The following PTPRT variants were observed in gnomAD, a reference collection of about 807,000 sequenced individuals.
The protein encoded by PTPRT is protein tyrosine phosphatase receptor type T, also known as receptor-type tyrosine-protein phosphatase T.
PTPRT carries 56 observed loss-of-function variants against 176.8 expected under a neutral mutation model. That is an observed-to-expected ratio of 0.32 (90% CI 0.26 to 0.40). The LOEUF is 0.40. PTPRT is among the 10% of genes least tolerant of loss of function. The pLI is 1.00. For synonymous variants in PTPRT, 783 were observed against 739.0 expected (o/e 1.06, Z -0.96); for missense variants, 1,540 against 1,908.2 (o/e 0.81, Z 3.60).
chr20:43,088,338 GTGTGT>G (rs2146301539), intron 1 of PTPRT, among the ~76,000 whole-genome samples: 1 of 26,218 alleles, frequency 3.8e-5, no homozygotes, highest in South Asian at 1.9e-3. Flanking sequence ...TTTGGGGTGT[GTGTGT>G]GTGTGTGTGT....
chr20:42,437,840 AAC>A (rs1324007896), intron 9 of PTPRT, among the ~76,000 whole-genome samples: 4 of 152,348 alleles, frequency 2.6e-5, no homozygotes, highest in African/African-American at 9.6e-5. Context: ...AAAATATGCA[AAC>A]ATTTTTCATT....
chr20:42,377,679 A>G (rs1366436694), intron 9 of PTPRT, among the ~76,000 whole-genome samples: 2 of 152,094 alleles, frequency 1.3e-5, no homozygotes, highest in Non-Finnish European at 2.9e-5. Context: ...AACGACCTCA[A>G]CCTAAAATCC....
chr20:42,518,934 A>T (rs1390853825), intron 7 of PTPRT, among the ~76,000 whole-genome samples: 4 of 152,094 alleles, frequency 2.6e-5, no homozygotes, highest in Non-Finnish European at 5.9e-5. Flanking sequence ...GTAACTGTAG[A>T]TGTACATGCT....
At chr20:42,321,352 C>A (rs2057796200) in intron 11 of PTPRT, among the ~76,000 whole-genome samples, 1 of 152,188 alleles carries the variant, frequency 6.6e-6, no homozygotes, top group Non-Finnish European at 1.5e-5. Flanking sequence ...AGGACCCTAG[C>A]ATCAGTACTT....
intron 7 of PTPRT, among the ~76,000 whole-genome samples, chr20:42,579,014 C>G (rs939664091): frequency 6.6e-6 from 1 of 151,186 alleles, no homozygotes. Flanking sequence ...CCCATTAACT[C>G]GTCATTTAAC....
chr20:42,394,180 A>T (rs2058827470), intron 9 of PTPRT, among the ~76,000 whole-genome samples: 4 of 152,104 alleles, frequency 2.6e-5, no homozygotes, highest in Admixed American at 2.6e-4. Context: ...CACTTCTGGC[A>T]AACACTGATT....
chr20:42,733,892 C>A (rs901874603), intron 6 of PTPRT, among the ~76,000 whole-genome samples: 2 of 152,144 alleles, frequency 1.3e-5, no homozygotes, highest in Non-Finnish European at 2.9e-5. Flanking sequence ...TGGCCAGGTG[C>A]TCTGGCAATG....
At chr20:42,790,404 GA>G (rs1213724790) in intron 3 of PTPRT, among the ~76,000 whole-genome samples, 3 of 144,266 alleles carry the variant, frequency 2.1e-5, no homozygotes, top group Non-Finnish European at 3.1e-5. Context: ...TCATTGCCAT[GA>G]TTTTTTTTTT....
intron 1 of PTPRT, among the ~76,000 whole-genome samples, chr20:43,109,677 T>C (rs2012778328): frequency 6.6e-6 from 1 of 152,066 alleles, no homozygotes; most frequent in Non-Finnish European, 1.5e-5. Context: ...ACTCAAGATA[T>C]TATAGACAAT....
At chr20:42,375,107 C>A (rs1461500639) in intron 9 of PTPRT, among the ~76,000 whole-genome samples, 1 of 152,118 alleles carries the variant, frequency 6.6e-6, no homozygotes, top group Non-Finnish European at 1.5e-5. Context: ...AATTCAATAT[C>A]AATTTCTAAA....
At chr20:43,035,775 T>TA (rs1986353446) in intron 1 of PTPRT, among the ~76,000 whole-genome samples, 1 of 152,258 alleles carries the variant, frequency 6.6e-6, no homozygotes, top group South Asian at 2.1e-4. Context: ...TGAGCAAGGT[T>TA]AATTACTCTT....
intron 16 of PTPRT, among the ~76,000 whole-genome samples, chr20:42,191,480 A>C (rs886460606): frequency 6.6e-6 from 1 of 152,188 alleles, no homozygotes; most frequent in Non-Finnish European, 1.5e-5. Context: ...TGTCTTGGAA[A>C]CCACACATTC....
intron 16 of PTPRT, among the ~76,000 whole-genome samples, chr20:42,172,197 TAGAA>T (rs1990106666): frequency 2.0e-5 from 3 of 151,028 alleles, no homozygotes; most frequent in East Asian, 2.0e-4. Context: ...TCATTGAAAA[TAGAA>T]AGAAAGTAAA....
chr20:42,895,876 C>T (rs1435826597), intron 1 of PTPRT, among the ~76,000 whole-genome samples: 1 of 152,096 alleles, frequency 6.6e-6, no homozygotes, highest in African/African-American at 2.4e-5. Context: ...CATAAAAATT[C>T]CCAGTTTTAG....
intron 2 of PTPRT, among the ~76,000 whole-genome samples, chr20:42,826,604 A>C (rs2077998330): frequency 6.6e-6 from 1 of 152,230 alleles, no homozygotes; most frequent in Admixed American, 6.5e-5. Context: ...TCTTCTTATC[A>C]GTTTCATATG....
At chr20:42,767,678 T>A (rs1404370582) in intron 5 of PTPRT, among the ~76,000 whole-genome samples, 2 of 147,124 alleles carry the variant, frequency 1.4e-5, no homozygotes, top group African/African-American at 4.9e-5. Context: ...TATAAATATT[T>A]TCCTTAATAT....
intron 14 of PTPRT, among the ~76,000 whole-genome samples, chr20:42,247,725 T>C (rs2056478781): frequency 6.6e-6 from 1 of 151,726 alleles, no homozygotes; most frequent in African/African-American, 2.4e-5. Flanking sequence ...GACTGAGGAG[T>C]GGGAAGGTAG....
At chr20:43,047,420 C>T (rs1180707890) in intron 1 of PTPRT, among the ~76,000 whole-genome samples, 1 of 152,108 alleles carries the variant, frequency 6.6e-6, no homozygotes, top group Admixed American at 6.5e-5. Flanking sequence ...GGCAAAGTGG[C>T]TCTCTTCCAA....
intron 16 of PTPRT, among the ~76,000 whole-genome samples, chr20:42,189,253 C>T (rs1990899079): frequency 6.6e-6 from 1 of 152,194 alleles, no homozygotes; most frequent in Admixed American, 6.5e-5. Context: ...TGTTCTCTTG[C>T]ACTATTTTCA....
Sources: gnomAD v4.1 joint callset for allele counts (sites outside exome capture counted in the v4.1 genomes callset) on GRCh38, gnomAD v4.1.1 for gene constraint, MANE v1.5 for transcripts, NCBI Gene and HGNC (gene_info 2026-07-23, HGNC 2026-07-21) for gene names.